QTGAL: variants seen among roughly 807,000 people sequenced by gnomAD.
QTGAL encodes the protein queuosine-tRNA galactosyltransferase.
At chr17:82,958,670 C>G in the QTGAL span, among the ~76,000 whole-genome samples, 5,332 of 152,246 alleles carry the variant, frequency 0.035, 307 homozygotes, top group African/African-American at 0.12. Flanking sequence ...TAGGCACTGT[C>G]AGGGAGGTCC....
At chr17:83,010,403 AGAG>A in the QTGAL span, among the ~76,000 whole-genome samples, 2 of 152,248 alleles carry the variant, frequency 1.3e-5, no homozygotes, top group Non-Finnish European at 2.9e-5. Flanking sequence ...GAGCACGGTC[AGAG>A]GAGAGCCCAC....
At chr17:83,046,306 G>C in the QTGAL span, among the ~76,000 whole-genome samples, 3 of 146,568 alleles carry the variant, frequency 2.0e-5, no homozygotes, top group African/African-American at 7.6e-5. Flanking sequence ...ATTTTTTTTT[G>C]TGGTATTTTT....
At chr17:82,988,436 C>T in the QTGAL span, among the ~76,000 whole-genome samples, 2 of 152,184 alleles carry the variant, frequency 1.3e-5, no homozygotes, top group Non-Finnish European at 2.9e-5. Context: ...CCATTCGGGA[C>T]ATAGGCATGG....
the QTGAL span, among the ~76,000 whole-genome samples, chr17:83,027,323 A>G: frequency 6.6e-6 from 1 of 152,264 alleles, no homozygotes; most frequent in African/African-American, 2.4e-5. Flanking sequence ...GAATATTCAC[A>G]TGAAAAAAAC....
At chr17:83,048,319 C>T in the QTGAL span, 1 of 702,006 alleles carries the variant, frequency 1.4e-6, no homozygotes, top group South Asian at 1.8e-5. Flanking sequence ...TGAGCCACCA[C>T]ACCTGGCCTC....
At chr17:82,949,582 AAACC>A in the QTGAL span, 1 of 152,188 alleles carries the variant, frequency 6.6e-6, no homozygotes, top group Non-Finnish European at 1.5e-5. Flanking sequence ...AGAACACGCA[AAACC>A]ACAGGGAACC....
chr17:83,032,909 T>G, the QTGAL span, among the ~76,000 whole-genome samples: 223 of 152,180 alleles, frequency 1.5e-3, 1 homozygote, highest in Middle Eastern at 3.4e-3. Flanking sequence ...CTCCCAAACT[T>G]CCACATGTAC....
At chr17:83,016,041 C>G in the QTGAL span, among the ~76,000 whole-genome samples, 1 of 152,142 alleles carries the variant, frequency 6.6e-6, no homozygotes, top group African/African-American at 2.4e-5. Flanking sequence ...GTGGGACAGT[C>G]CCTTTAAGGT....
the QTGAL span, among the ~76,000 whole-genome samples, chr17:82,993,908 A>G: frequency 6.6e-6 from 1 of 152,148 alleles, no homozygotes; most frequent in Non-Finnish European, 1.5e-5. Context: ...CTGAATGACA[A>G]GTGGGTCAAT....
the QTGAL span, among the ~76,000 whole-genome samples, chr17:83,032,936 G>A: frequency 1.3e-5 from 2 of 152,170 alleles, no homozygotes; most frequent in South Asian, 2.1e-4. Flanking sequence ...CATGTGCAGA[G>A]GCTTCTGGTG....
chr17:83,038,167 T>A, the QTGAL span, among the ~76,000 whole-genome samples: 5 of 152,188 alleles, frequency 3.3e-5, no homozygotes, highest in Non-Finnish European at 5.9e-5. Context: ...TAATAGTCAA[T>A]ATAACTCTCC....
the QTGAL span, among the ~76,000 whole-genome samples, chr17:83,040,724 TA>T: frequency 6.6e-6 from 1 of 152,240 alleles, no homozygotes; most frequent in Admixed American, 6.5e-5. Flanking sequence ...CAACTGAGCA[TA>T]AAAATATTCT....
At chr17:82,950,729 G>A in the QTGAL span, among the ~76,000 whole-genome samples, 123 of 152,304 alleles carry the variant, frequency 8.1e-4, 2 homozygotes, top group Middle Eastern at 0.01. Flanking sequence ...ACAAAAACAC[G>A]AACCCCTCGT....
chr17:82,985,291 T>C, the QTGAL span, among the ~76,000 whole-genome samples: 3 of 152,234 alleles, frequency 2.0e-5, no homozygotes, highest in East Asian at 5.8e-4. Context: ...ACATCACAAA[T>C]GTGACTCAGA....
the QTGAL span, chr17:82,957,600 T>C: frequency 7.1e-7 from 1 of 1,401,972 alleles, no homozygotes; most frequent in African/African-American, 1.4e-5. Context: ...GCCAGTGGAG[T>C]GGACACCTGG....
the QTGAL span, among the ~76,000 whole-genome samples, chr17:83,029,625 G>A: frequency 4.1e-4 from 63 of 152,262 alleles, no homozygotes; most frequent in African/African-American, 1.3e-3. Flanking sequence ...GGGGGGAGCC[G>A]GGGAAGCAAA....
the QTGAL span, among the ~76,000 whole-genome samples, chr17:82,967,366 C>T: frequency 1.3e-5 from 2 of 152,166 alleles, no homozygotes; most frequent in Non-Finnish European, 2.9e-5. Context: ...TGAGAACCAT[C>T]GTGTAACACA....
the QTGAL span, among the ~76,000 whole-genome samples, chr17:82,983,694 GGCTCCCGTTAT>G: frequency 6.6e-6 from 1 of 152,226 alleles, no homozygotes; most frequent in African/African-American, 2.4e-5. Context: ...TGGGGGCAGC[GGCTCCCGTTAT>G]GCAGCCCTAG....
the QTGAL span, among the ~76,000 whole-genome samples, chr17:83,019,247 C>A: frequency 6.6e-6 from 1 of 152,088 alleles, no homozygotes; most frequent in Non-Finnish European, 1.5e-5. Context: ...CAGGAGAACC[C>A]TGGGGCGTCA....
Sources: allele counts gnomAD v4.1 joint callset (sites outside exome capture counted in the v4.1 genomes callset), GRCh38; gene constraint gnomAD v4.1.1; transcripts MANE v1.5; gene names NCBI Gene and HGNC (gene_info 2026-07-23, HGNC 2026-07-21).